Variants in CELF2 observed in about 807,000 individuals in gnomAD.
CELF2 encodes CUG triplet repeat RNA-binding protein 2.
In CELF2, 8 loss-of-function variants were observed where a neutral mutation model predicts 62.6. That is an observed-to-expected ratio of 0.13 (90% confidence interval 0.07 to 0.23). CELF2 has a LOEUF of 0.23. Among genes scored for constraint, CELF2 ranks in the 10% least tolerant of loss-of-function variants. The pLI, the probability that CELF2 is intolerant of heterozygous loss-of-function variation, is 1.00. For missense variants in CELF2, 333 were observed against 671.0 expected (o/e 0.50, Z 5.56); for synonymous variants, 258 against 250.0 (o/e 1.03, Z -0.30).
the CELF2 span, among the ~76,000 whole-genome samples, chr10:10,476,016 A>G: frequency 7.0e-4 from 107 of 152,186 alleles, 1 homozygote; most frequent in African/African-American, 2.4e-3. Flanking sequence ...GCTTTCCACC[A>G]CAGAGACTGC....
At chr10:10,939,412 A>G (rs1354862476) in intron 2 of CELF2, among the ~76,000 whole-genome samples, 6 of 151,976 alleles carry the variant, frequency 3.9e-5, no homozygotes, top group African/African-American at 1.4e-4. Context: ...CAGCCTCCCA[A>G]GTAGCTGGGA....
intron 1 of CELF2, among the ~76,000 whole-genome samples, chr10:11,153,027 A>T (rs1245898142): frequency 6.6e-6 from 1 of 152,220 alleles, no homozygotes; most frequent in Non-Finnish European, 1.5e-5. Context: ...GATTCCCTGG[A>T]CCACATTACA....
intron 2 of CELF2, among the ~76,000 whole-genome samples, chr10:10,978,034 G>GT (rs527485788): frequency 0.05 from 6,023 of 121,654 alleles, 208 homozygotes; most frequent in Non-Finnish European, 0.055. Context: ...GTTTTTTTTT[G>GT]TTTTTTGTTT....
At position 11,197,052 on chromosome 10, in the gene CELF2, A is replaced by AGGAAGGAAAGAAAGAAGGAAAGAAG. The variant is rs753280120; in HGVS notation, c.272-20372_272-20371insGAAGGAAAGAAAGAAGGAAAGAAGG. 2.8e-4 allele frequency among the ~76,000 whole-genome samples: 9 copies of AGGAAGGAAAGAAAGAAGGAAAGAAG among 31,688 alleles called. 1 individual carries two copies. Among genetic ancestry groups the AGGAAGGAAAGAAAGAAGGAAAGAAG allele is most frequent in the African/African-American group, 1.1e-3 (9 of 7,830 alleles). 20.8% of individuals were successfully genotyped at this position (31,688 alleles called of 152,430 possible). On this transcript the variant is annotated intron_variant, in intron 2 of 12. Transcript: ENST00000633077. ...AAGAAAGAAAGAAAGAAAGAAAGAA[A>AGGAAGGAAAGAAAGAAGGAAAGAAG]GAAAGAAAAGAAAGAAAGGAAAGAA...
chr10:11,205,924 GC>G (rs1451902688), intron 2 of CELF2, among the ~76,000 whole-genome samples: 10 of 152,176 alleles, frequency 6.6e-5, no homozygotes, highest in Non-Finnish European at 1.3e-4. Context: ...CTTCAGCCTA[GC>G]CTTGGATTTC....
chr10:10,515,825 C>G, the CELF2 span, among the ~76,000 whole-genome samples: 5 of 152,174 alleles, frequency 3.3e-5, no homozygotes, highest in African/African-American at 1.2e-4. Flanking sequence ...TTTTATGGAT[C>G]CTAAGATGCA....
In CELF2 at chr10:11,217,917, T is replaced by C. The variant is rs1455870286; in HGVS notation, c.354+410T>C. Among the ~76,000 whole-genome samples the C allele has an allele frequency of 2.0e-5, 3 of 152,242 alleles. No homozygotes were observed. The highest frequency in any genetic ancestry group is 4.4e-5 in the Non-Finnish European group (3 of 68,038). ...TAGATTTTCTTTTGAAAGGACAAAA[T>C]GTACCCTTTACAGCCATAATATTAA... On this transcript the variant is annotated intron_variant, in intron 3 of 12. Transcript: ENST00000633077. This position sits in a 1 kb window ranked among gnomAD's most constrained non-coding sequence, Gnocchi z 5.6.
intron 1 of CELF2, chr10:10,919,940 A>G: frequency 8.1e-7 from 1 of 1,227,544 alleles, no homozygotes; most frequent in South Asian, 4.1e-5. Context: ...AATCATACTT[A>G]TCTTCTTTTT....
the CELF2 span, among the ~76,000 whole-genome samples, chr10:10,633,021 A>G: frequency 6.6e-6 from 1 of 152,164 alleles, no homozygotes; most frequent in Non-Finnish European, 1.5e-5. Flanking sequence ...CCATTGTATG[A>G]ATGTCCATAC....
chr10:10,738,512 C>T, the CELF2 span, among the ~76,000 whole-genome samples: 3 of 152,158 alleles, frequency 2.0e-5, no homozygotes, highest in African/African-American at 7.2e-5. Context: ...GACGAGAATG[C>T]CTCTTTATCT....
At chr10:10,622,754 G>T in the CELF2 span, among the ~76,000 whole-genome samples, 2 of 152,088 alleles carry the variant, frequency 1.3e-5, no homozygotes, top group Non-Finnish European at 2.9e-5. Context: ...GTGCAGACAG[G>T]ATGTGTGATT....
chr10:11,154,737 T>C (rs2063977062), intron 1 of CELF2, among the ~76,000 whole-genome samples: 1 of 152,220 alleles, frequency 6.6e-6, no homozygotes, highest in Non-Finnish European at 1.5e-5. Flanking sequence ...TCTGTTGTGA[T>C]GCGCTGAAGA....
At chr10:10,825,270 C>G (rs1042347103) in intron 1 of CELF2, among the ~76,000 whole-genome samples, 1 of 151,428 alleles carries the variant, frequency 6.6e-6, no homozygotes, top group Non-Finnish European at 1.5e-5. Context: ...AGTGCAGTGG[C>G]GCGATCTCGA....
At chr10:11,154,945 G>A (rs1049730462) in intron 1 of CELF2, among the ~76,000 whole-genome samples, 8 of 152,166 alleles carry the variant, frequency 5.3e-5, no homozygotes, top group African/African-American at 1.9e-4. Flanking sequence ...AAACAAAGCC[G>A]AAGAGTTTAG....
At chr10:11,029,429 C>A (rs939599196) in intron 1 of CELF2, among the ~76,000 whole-genome samples, 2 of 152,176 alleles carry the variant, frequency 1.3e-5, no homozygotes, top group African/African-American at 4.8e-5. Context: ...GTTTGGAAGC[C>A]TAAAGCCTCG....
intron 1 of CELF2, among the ~76,000 whole-genome samples, chr10:11,131,019 G>C (rs994292069): frequency 2.0e-5 from 3 of 152,204 alleles, no homozygotes; most frequent in African/African-American, 4.8e-5. Flanking sequence ...TGTTACATAC[G>C]TTGTGGTTGT....
Position 11,267,041 on chromosome 10 carries a change from A to C in CELF2, c.618+364A>C, listed in dbSNP as rs2082342634. 6.6e-6 allele frequency among the ~76,000 whole-genome samples: 1 copy of C among 152,200 alleles called. No individual in the cohort carries two copies. On this transcript the variant is annotated intron_variant, in intron 6 of 12. Transcript: ENST00000633077. This position sits in a 1 kb window ranked among gnomAD's most constrained non-coding sequence, Gnocchi z 4.4. Reference sequence around the variant, plus strand: ...CCACACCGGGGTCGGTGCGGATGAAACAGTAACAGCCTCCCACCCCAAATT... The same window carrying C: ...CCACACCGGGGTCGGTGCGGATGAACCAGTAACAGCCTCCCACCCCAAATT...
rs2063738414 is a variant in CELF2 at position 11,217,835 on chromosome 10, G to A, written c.354+328G>A. ...AAAAAACCCAACACACACAAGAGAA[G>A]CAAATGGAAAAGAAAAAGCTTTTAT... On this transcript the variant is annotated intron_variant, in intron 3 of 12. Transcript: ENST00000633077. The surrounding 1 kb of genome is among the most constrained non-coding windows in gnomAD (Gnocchi z 5.6). Among the ~76,000 whole-genome samples the A allele has an allele frequency of 6.6e-6, 1 of 152,126 alleles. No homozygotes were observed. The highest frequency in any genetic ancestry group is 6.5e-5 in the Admixed American group (1 of 15,268).
chr10:10,672,934 T>A, the CELF2 span, among the ~76,000 whole-genome samples: 5 of 152,282 alleles, frequency 3.3e-5, no homozygotes, highest in Middle Eastern at 3.4e-3. Context: ...ATATGGAATA[T>A]CTCTTCATGT....
Sources: gnomAD v4.1 joint callset for allele counts (sites outside exome capture counted in the v4.1 genomes callset) on GRCh38, gnomAD v4.1.1 for gene constraint, Gnocchi (gnomAD v3.1) non-coding constraint, MANE v1.5 for transcripts, NCBI Gene and HGNC (gene_info 2026-07-23, HGNC 2026-07-21) for gene names.